Variants in MRPL20 observed in about 807,000 individuals in gnomAD.
MRPL20 encodes the protein mitochondrial ribosomal protein L20, also known as large ribosomal subunit protein bL20m.
MRPL20 carries 21 observed loss-of-function variants against 20.0 expected under a neutral mutation model. The ratio of observed to expected loss-of-function variants is 1.05; its 90% confidence interval spans 0.74 to 1.51. The LOEUF (loss-of-function observed/expected upper bound fraction) is 1.51. Ranked by LOEUF, MRPL20 falls within the 40% of genes most tolerant of loss-of-function variation. MRPL20 has a pLI of 0.00. For missense variants in MRPL20, 252 were observed against 185.6 expected (o/e 1.36, Z -2.08); for synonymous variants, 104 against 73.0 (o/e 1.43, Z -2.17).
At chr1:1,404,866 T>C (rs905660310) in intron 3 of MRPL20, among the ~76,000 whole-genome samples, 4 of 152,122 alleles carry the variant, frequency 2.6e-5, no homozygotes, top group Non-Finnish European at 5.9e-5. Flanking sequence ...ACCAGTGCGG[T>C]AAGCTCCCAG....
At chr1:1,403,615 G>C (rs1041394341) in intron 3 of MRPL20, among the ~76,000 whole-genome samples, 5 of 151,956 alleles carry the variant, frequency 3.3e-5, no homozygotes, top group Admixed American at 6.6e-5. Flanking sequence ...CTACCCTGAA[G>C]ATCTTTGTAA....
chr1:1,405,981 G>C (rs1164354148), intron 2 of MRPL20, 95 bp from the exon 3 acceptor site: 19 of 1,491,686 alleles, frequency 1.3e-5, no homozygotes, highest in Admixed American at 2.1e-5. Flanking sequence ...TTTTCTAAAA[G>C]TAAATAGCAA....
chr1:1,402,600 G>A lies in MRPL20; in HGVS notation c.277-344C>T, dbSNP rs985748803. On this transcript the variant is annotated intron_variant, in intron 3 of 3. Transcript: ENST00000344843. Reference sequence around the variant, plus strand: ...TAACCCTTTAAGCCAACCTGGAAGTGCCTGCAAGAACCACAGAGGATTTCA... The same window carrying A: ...TAACCCTTTAAGCCAACCTGGAAGTACCTGCAAGAACCACAGAGGATTTCA... 28 of 1,038,984 alleles carry A rather than the reference G, an allele frequency of 2.7e-5. No homozygotes were observed. The African/African-American group carries it at 4.1e-4, about 15-fold the overall frequency. The allele number at this position is 1,038,984 out of a possible 1,614,324, so 64.4% of individuals were successfully genotyped here. A position where few individuals can be genotyped will look rare whatever the true frequency, so the allele number is the denominator to read the frequency against.
intron 3 of MRPL20, among the ~76,000 whole-genome samples, chr1:1,403,573 T>G (rs1234738320): frequency 1.3e-5 from 2 of 152,062 alleles, no homozygotes; most frequent in Admixed American, 1.3e-4. Flanking sequence ...TACAGTTCCC[T>G]GAGTAAAATG....
In MRPL20 at chr1:1,401,993, T is replaced by A; in HGVS notation, c.*90A>T. 1 of 1,412,310 alleles carries A rather than the reference T, an allele frequency of 7.1e-7. No individual in the cohort carries two copies. Among genetic ancestry groups the A allele is most frequent in the Admixed American group, 2.1e-5 (1 of 46,934 alleles). 87.5% of individuals were successfully genotyped at this position (1,412,310 alleles called of 1,614,324 possible). On this transcript the variant is annotated 3_prime_UTR_variant, in exon 4 of 4. Coordinates refer to ENST00000344843, the MANE Select transcript of MRPL20 (RefSeq NM_017971.4). ...CAGAGAGACAGGGCCATCCCTCATG[T>A]CTGTTATTGGGTTGTAGATAAACAA... is the stretch of plus-strand genomic sequence containing the variant.
intron 3 of MRPL20, among the ~76,000 whole-genome samples, chr1:1,403,639 G>C (rs1275167509): frequency 6.6e-6 from 1 of 151,946 alleles, no homozygotes; most frequent in African/African-American, 2.4e-5. Flanking sequence ...ACCAAAGAGT[G>C]CCTTCTGCAA....
chr1:1,403,845 C>T (rs1294338601), intron 3 of MRPL20, among the ~76,000 whole-genome samples: 1 of 152,040 alleles, frequency 6.6e-6, no homozygotes, highest in Admixed American at 6.6e-5. Context: ...ATTATTAAAA[C>T]TTTTTGTTGT....
At chr1:1,405,425 T>C (rs1203976861) in intron 3 of MRPL20, 19 of 587,036 alleles carry the variant, frequency 3.2e-5, no homozygotes, top group Non-Finnish European at 4.2e-5. Flanking sequence ...TACATGTCTC[T>C]GTACCACCAC....
intron 2 of MRPL20, chr1:1,406,128 G>A: frequency 2.1e-6 from 1 of 472,360 alleles, no homozygotes; most frequent in Non-Finnish European, 3.8e-6. Context: ...GGGCAAGGCA[G>A]GCAGATCATT....
At position 1,406,950 on chromosome 1, in the gene MRPL20, A is replaced by C. The variant is rs776280232; in HGVS notation, c.157T>G (p.Cys53Gly). The C allele has an allele frequency of 1.2e-6, 2 of 1,613,744 alleles. No homozygotes were observed. Among genetic ancestry groups the C allele is most frequent in the Non-Finnish European group, 1.7e-6 (2 of 1,179,762 alleles). The change falls in exon 2 of 4, where the codon TGC becomes GGC. Residue 53 changes from cysteine (C) to glycine (G), a missense_variant. By Grantham distance (159) the Cys-to-Gly change is radical. Transcript: ENST00000344843. ...TTCTTCAGGTATCGGGCTTTGGTGC[A>C]TTTCACAAAGGCTCGAATCACGGTT... ...VRTVIRAFVK[C>G]TKARYLKKKN...
chr1:1,406,406 G>T, intron 2 of MRPL20: 3 of 188,380 alleles, frequency 1.6e-5, no homozygotes, highest in Non-Finnish European at 3.4e-5. Flanking sequence ...GGCTGAGACG[G>T]GAGTGGTGAG....
intron 3 of MRPL20, among the ~76,000 whole-genome samples, chr1:1,404,523 C>G (rs1430393921): frequency 3.4e-5 from 5 of 147,462 alleles, no homozygotes; most frequent in African/African-American, 1.3e-4. Context: ...TTTTTTGAGA[C>G]AGAGTCTCAC....
chr1:1,405,949 C>T (rs1645380046), intron 2 of MRPL20, 63 bp from the exon 3 acceptor site: 1 of 1,559,610 alleles, frequency 6.4e-7, no homozygotes, highest in Non-Finnish European at 8.7e-7. Context: ...CCAGCAAAGC[C>T]TCTAATTGAT....
chr1:1,407,097 C>G (rs1309141378), intron 1 of MRPL20, 34 bp downstream of exon 1: 2 of 1,608,758 alleles, frequency 1.2e-6, no homozygotes, highest in Non-Finnish European at 1.7e-6. Context: ...ATACCCCGGG[C>G]GCCCAGTGCC....
At position 1,405,889 on chromosome 1, in the gene MRPL20, G is replaced by T. The variant is rs747171999; in HGVS notation, c.199-3C>A. On this transcript the variant is annotated splice_region_variant and splice_polypyrimidine_tract_variant and intron_variant, in intron 2 of 3. Coordinates refer to ENST00000344843, the MANE Select transcript of MRPL20 (RefSeq NM_017971.4). ...GCTGTAATTCGATTAATCCAGAGCT[G>T]AAATAAGAAAACATGAAGATACTTA... 5.0e-6 allele frequency: 8 copies of T among 1,604,802 alleles called. No individual in the cohort carries two copies. The highest frequency in any genetic ancestry group is 6.8e-6 in the Non-Finnish European group (8 of 1,173,330).
At chr1:1,406,541 A>G in intron 2 of MRPL20, 1 of 289,416 alleles carries the variant, frequency 3.5e-6, no homozygotes, top group East Asian at 9.0e-5. Flanking sequence ...GGCAGCAGAT[A>G]GTAGCCCTGG....
At chr1:1,405,494 C>G in intron 3 of MRPL20, 1 of 603,418 alleles carries the variant, frequency 1.7e-6, no homozygotes, top group Non-Finnish European at 3.0e-6. Context: ...CAGGCTGTTG[C>G]TGGCACTATT....
In MRPL20 at chr1:1,407,200, C is replaced by T; in HGVS notation, c.18G>A (p.Ala6=). The change falls in exon 1 of 4, where the codon GCG becomes GCA. Residue 6 remains alanine, a synonymous_variant. Transcript: ENST00000344843. Reference sequence around the variant, plus strand: ...TGACGCGATTCCGCAGCCAGAGCTGCGCGGTGAGGAAGACCATGGCGCCTG... The same window carrying T: ...TGACGCGATTCCGCAGCCAGAGCTGTGCGGTGAGGAAGACCATGGCGCCTG... The part of the protein sequence containing the change: MVFLT[A]QLWLRNRVTD... 6.2e-7 allele frequency: 1 copy of T among 1,604,760 alleles called. No homozygotes were observed. Among genetic ancestry groups the T allele is most frequent in the Non-Finnish European group, 8.5e-7 (1 of 1,176,088 alleles).
At chr1:1,405,553 C>T (rs1002255236) in intron 3 of MRPL20, 2 of 646,538 alleles carry the variant, frequency 3.1e-6, no homozygotes, top group Non-Finnish European at 5.5e-6. Context: ...TGACCTGCTC[C>T]GTTTCCAGCC....
Sources: gnomAD v4.1 joint callset for allele counts (sites outside exome capture counted in the v4.1 genomes callset) on GRCh38, gnomAD v4.1.1 for gene constraint, MANE v1.5 for transcripts, NCBI Gene and HGNC (gene_info 2026-07-23, HGNC 2026-07-21) for gene names.